EHD4: variants seen among roughly 807,000 people sequenced by gnomAD.
EHD4 encodes the protein EH domain-containing protein 4.
Under a neutral mutation model 51.0 loss-of-function variants are expected in EHD4, and 37 were observed. The observed-to-expected ratio is 0.73, with a 90% confidence interval of 0.56 to 0.95. The LOEUF (loss-of-function observed/expected upper bound fraction) is 0.95. Among genes scored for constraint, EHD4 ranks in the 40% least tolerant of loss-of-function variants. The probability of loss-of-function intolerance (pLI) is 0.00; values close to 1 mark genes in which losing one functional copy is unlikely to be tolerated. For synonymous variants in EHD4, 297 were observed against 317.3 expected (o/e 0.94, Z 0.68); for missense variants, 632 against 733.1 (o/e 0.86, Z 1.59).
chr15:41,936,468 C>T (rs1240659503), intron 3 of EHD4, among the ~76,000 whole-genome samples: 1 of 152,154 alleles, frequency 6.6e-6, no homozygotes, highest in Non-Finnish European at 1.5e-5. Flanking sequence ...ATTATTATTA[C>T]TCAAAAGAGT....
At chr15:41,951,081 C>G (rs1404155079) in intron 2 of EHD4, among the ~76,000 whole-genome samples, 1 of 152,160 alleles carries the variant, frequency 6.6e-6, no homozygotes, top group Non-Finnish European at 1.5e-5. Flanking sequence ...GTCCAAACAT[C>G]ATACTATTGG....
At chr15:41,937,156 A>G (rs2067736979) in intron 3 of EHD4, among the ~76,000 whole-genome samples, 1 of 152,004 alleles carries the variant, frequency 6.6e-6, no homozygotes, top group Non-Finnish European at 1.5e-5. Flanking sequence ...GTCCTCCCAT[A>G]CCTCCTACCC....
Position 41,943,130 on chromosome 15 carries a change from T to C in EHD4, c.448A>G (p.Lys150Glu). ...GGGCTGTCGATGACGCTGATGCTCT[T>C]CAGGACCTGATTGGGGAGCTGTGAG... Reference protein sequence around the residue: ...MCSQLPNQVLKSISVIDSPGI... With the variant: ...MCSQLPNQVLESISVIDSPGI... The change falls in exon 3 of 6, where the codon AAG (lysine) becomes GAG (glutamate). Residue 150 changes from lysine (K) to glutamate (E), a missense_variant. Lys to Glu is a moderately conservative substitution (Grantham distance 56). Coordinates refer to ENST00000220325, the MANE Select transcript of EHD4 (RefSeq NM_139265.4). 6.3e-7 allele frequency: 1 copy of C among 1,594,558 alleles called. No individual in the cohort carries two copies. The highest frequency in any genetic ancestry group is 8.5e-7 in the Non-Finnish European group (1 of 1,170,626).
In EHD4 at chr15:41,900,642, C is replaced by A; in HGVS notation, c.*3G>T. The A allele has an allele frequency of 6.3e-7, 1 of 1,582,686 alleles. No individual in the cohort carries two copies. ...GTTCCCACCCCGTTCTGCAGCCCACCCCTCAGTCGGCCTTGGGCAGGGACT... is the reference window on the plus strand; with the variant it reads ...GTTCCCACCCCGTTCTGCAGCCCACACCTCAGTCGGCCTTGGGCAGGGACT... On this transcript the variant is annotated 3_prime_UTR_variant, in exon 6 of 6. Transcript: ENST00000220325. This position sits in a 1 kb window ranked among gnomAD's most constrained non-coding sequence, Gnocchi z 4.8.
chr15:41,949,294 CGGGA>C (rs2067837906), intron 2 of EHD4, among the ~76,000 whole-genome samples: 1 of 151,378 alleles, frequency 6.6e-6, no homozygotes, highest in Admixed American at 6.6e-5. Flanking sequence ...CACTTCAACC[CGGGA>C]GGCAGAGGTT....
intron 3 of EHD4, among the ~76,000 whole-genome samples, chr15:41,932,066 G>A (rs17687461): frequency 0.02 from 3,060 of 151,994 alleles, 58 homozygotes; most frequent in Admixed American, 0.058. Flanking sequence ...CACTTGCACC[G>A]TACATGCTAA....
At chr15:41,964,391 T>C (rs2598469) in intron 1 of EHD4, among the ~76,000 whole-genome samples, 27,033 of 151,980 alleles carry the variant, frequency 0.18, 3,218 homozygotes, top group African/African-American at 0.33. Context: ...TCGCTTGAGC[T>C]CAGGAGTTTG....
intron 4 of EHD4, among the ~76,000 whole-genome samples, chr15:41,915,087 C>T (rs111617921): frequency 1.7e-5 from 1 of 59,836 alleles, no homozygotes; most frequent in Admixed American, 1.5e-4. Flanking sequence ...GTCTTGGAGA[C>T]ACACACACAC....
At chr15:41,957,736 C>T (rs1203928765) in intron 1 of EHD4, among the ~76,000 whole-genome samples, 1 of 152,228 alleles carries the variant, frequency 6.6e-6, no homozygotes, top group Non-Finnish European at 1.5e-5. Flanking sequence ...CCTGACTTTA[C>T]ATATGACACT....
At chr15:41,910,497 G>C (rs1414514450) in intron 4 of EHD4, among the ~76,000 whole-genome samples, 2 of 152,252 alleles carry the variant, frequency 1.3e-5, no homozygotes, top group East Asian at 3.9e-4. Flanking sequence ...CGAGAATCTG[G>C]CCTCAACATT....
intron 3 of EHD4, among the ~76,000 whole-genome samples, chr15:41,921,181 G>C (rs918462562): frequency 1.3e-5 from 2 of 152,158 alleles, no homozygotes; most frequent in African/African-American, 2.4e-5. Context: ...GCAGGCCGCT[G>C]TCCTGAGTGT....
chr15:41,957,073 G>A (rs2067892679), intron 1 of EHD4, among the ~76,000 whole-genome samples: 2 of 152,296 alleles, frequency 1.3e-5, no homozygotes, highest in East Asian at 1.9e-4. Context: ...GCTCGTGCCT[G>A]TAATTCCAGC....
At chr15:41,934,054 C>T (rs569489232) in intron 3 of EHD4, among the ~76,000 whole-genome samples, 6 of 152,166 alleles carry the variant, frequency 3.9e-5, no homozygotes, top group Admixed American at 1.3e-4. Context: ...AAGTTCTCCC[C>T]TCCGTTCTCT....
chr15:41,941,650 C>T (rs138902978), intron 3 of EHD4: 1 of 150,102 alleles, frequency 6.7e-6, no homozygotes, highest in Non-Finnish European at 1.5e-5. Context: ...ACCTTAATGG[C>T]ATTCCATAGC....
chr15:41,950,009 T>C (rs1233253601), intron 2 of EHD4, among the ~76,000 whole-genome samples: 2 of 152,192 alleles, frequency 1.3e-5, no homozygotes, highest in Non-Finnish European at 2.9e-5. Context: ...TGCTCCCAGA[T>C]GGGCCACTGA....
At chr15:41,908,793 C>A (rs1027994338) in intron 5 of EHD4, 14 of 152,226 alleles carry the variant, frequency 9.2e-5, no homozygotes, top group Non-Finnish European at 5.9e-5. Context: ...TTTCTTGGAA[C>A]CTTCTTCTCT....
At chr15:41,922,244 C>G (rs535697204) in intron 3 of EHD4, among the ~76,000 whole-genome samples, 2 of 152,142 alleles carry the variant, frequency 1.3e-5, no homozygotes, top group South Asian at 4.2e-4. Flanking sequence ...AACAAATTAA[C>G]TGGGTGTGGT....
chr15:41,933,550 C>T (rs534282126), intron 3 of EHD4, among the ~76,000 whole-genome samples: 1 of 152,268 alleles, frequency 6.6e-6, no homozygotes, highest in Non-Finnish European at 1.5e-5. Context: ...ACGTGCCCGG[C>T]CAGTGTTTCT....
intron 3 of EHD4, among the ~76,000 whole-genome samples, chr15:41,930,974 A>C (rs1325112222): frequency 6.6e-6 from 1 of 152,240 alleles, no homozygotes; most frequent in Non-Finnish European, 1.5e-5. Context: ...TGAGGAATGA[A>C]AATTAGAATC....
Sources: allele counts gnomAD v4.1 joint callset (sites outside exome capture counted in the v4.1 genomes callset), GRCh38; gene constraint gnomAD v4.1.1; non-coding constraint Gnocchi (gnomAD v3.1); transcripts MANE v1.5; gene names NCBI Gene and HGNC (gene_info 2026-07-23, HGNC 2026-07-21).